Variants in ARMC7 observed in about 807,000 individuals in gnomAD.
ARMC7 encodes armadillo repeat containing 7, also known as armadillo repeat-containing protein 7.
ARMC7 carries 9 observed loss-of-function variants against 14.8 expected under a neutral mutation model. The observed-to-expected ratio is 0.61, with a 90% confidence interval of 0.37 to 1.06. The LOEUF is 1.06. Ranked by LOEUF, ARMC7 falls within the 50% of genes least tolerant of loss-of-function variation. The probability of loss-of-function intolerance (pLI) is 0.01; values close to 1 mark genes in which losing one functional copy is unlikely to be tolerated. For missense variants in ARMC7, 262 were observed against 267.1 expected, an observed-to-expected ratio of 0.98 and a Z score of 0.13; for synonymous variants, 125 against 123.4, an observed-to-expected ratio of 1.01 and a Z score of -0.09.
intron 2 of ARMC7, among the ~76,000 whole-genome samples, chr17:75,124,440 G>A (rs1393870899): frequency 6.6e-6 from 1 of 152,222 alleles, no homozygotes; most frequent in Non-Finnish European, 1.5e-5. Context: ...GCACCTGGGT[G>A]TGGTGATGAC....
At chr17:75,118,330 G>GC (rs1433060687) in intron 2 of ARMC7, among the ~76,000 whole-genome samples, 1 of 152,116 alleles carries the variant, frequency 6.6e-6, no homozygotes. Context: ...GGGCCTGCAG[G>GC]CCCCTAGAGA....
intron 2 of ARMC7, among the ~76,000 whole-genome samples, chr17:75,116,394 G>A (rs189748945): frequency 3.3e-4 from 51 of 152,292 alleles, no homozygotes; most frequent in Middle Eastern, 3.4e-3. Flanking sequence ...TTGGGAGGCC[G>A]AAGTGGGCAG....
chr17:75,117,139 C>T (rs1454387213), intron 2 of ARMC7, among the ~76,000 whole-genome samples: 1 of 152,184 alleles, frequency 6.6e-6, no homozygotes, highest in Non-Finnish European at 1.5e-5. Context: ...TGCAATGGTG[C>T]AATCTCGTCT....
chr17:75,130,188 C>T lies in ARMC7; in HGVS notation c.*1150C>T. 5.8e-6 allele frequency: 2 copies of T among 347,464 alleles called. No homozygotes were observed. The highest frequency in any genetic ancestry group is 1.1e-5 in the Non-Finnish European group (2 of 186,234). The allele number at this position is 347,464 out of a possible 1,614,324, so 21.5% of individuals were successfully genotyped here. On this transcript the variant is annotated 3_prime_UTR_variant, in exon 3 of 3. Transcript: ENST00000245543. ...GGCTCATCAGCACCCGCTCAGGGAG[C>T]CTGTCCCTTTATGTTCCCAAATAAA... is the stretch of plus-strand genomic sequence containing the variant.
At chr17:75,117,004 A>G (rs1023086146) in intron 2 of ARMC7, among the ~76,000 whole-genome samples, 1 of 152,150 alleles carries the variant, frequency 6.6e-6, no homozygotes, top group Admixed American at 6.5e-5. Context: ...AAACAAATGG[A>G]TTCGCTCACC....
intron 2 of ARMC7, among the ~76,000 whole-genome samples, chr17:75,128,112 T>C (rs972138538): frequency 6.6e-6 from 1 of 152,170 alleles, no homozygotes. Context: ...TCTAGCTCTG[T>C]TGCCCAGGCT....
In ARMC7 at chr17:75,129,871, G is replaced by A. The variant is rs111988834; in HGVS notation, c.*833G>A. 3,388 of 152,698 alleles carry A rather than the reference G, an allele frequency of 0.022. 64 individuals are homozygous for A. The highest frequency in any genetic ancestry group is 0.038 in the Non-Finnish European group (2,574 of 68,374). 9.5% of individuals were successfully genotyped at this position (152,698 alleles called of 1,614,324 possible). On this transcript the variant is annotated 3_prime_UTR_variant, in exon 3 of 3. Transcript: ENST00000245543. The stretch of plus-strand genomic sequence containing the variant: ...TGATGGGGAGCCCTACCCCAGAAGT[G>A]TATCCCACGAGGGCATCAGGGACGC...
At chr17:75,120,540 C>T (rs1040996962) in intron 2 of ARMC7, among the ~76,000 whole-genome samples, 5 of 151,974 alleles carry the variant, frequency 3.3e-5, no homozygotes, top group Non-Finnish European at 7.4e-5. Flanking sequence ...GGTGGCTGGG[C>T]ACGGTGGCTC....
chr17:75,115,247 G>A (rs1201086640), intron 2 of ARMC7, among the ~76,000 whole-genome samples: 3 of 152,110 alleles, frequency 2.0e-5, no homozygotes, highest in South Asian at 2.1e-4. Flanking sequence ...GCTGTGGCTC[G>A]CAGAACCAAA....
chr17:75,125,254 C>T (rs1436267065), intron 2 of ARMC7, among the ~76,000 whole-genome samples: 2 of 152,074 alleles, frequency 1.3e-5, no homozygotes, highest in Admixed American at 1.3e-4. Context: ...TGAACCCTTT[C>T]CCCCCCGGGT....
intron 2 of ARMC7, among the ~76,000 whole-genome samples, chr17:75,115,856 G>A (rs2073969258): frequency 6.6e-6 from 1 of 152,166 alleles, no homozygotes; most frequent in Non-Finnish European, 1.5e-5. Context: ...TCAGTTGAGA[G>A]AATTAAATGA....
At chr17:75,119,626 A>T (rs1217252723) in intron 2 of ARMC7, among the ~76,000 whole-genome samples, 12 of 142,372 alleles carry the variant, frequency 8.4e-5, no homozygotes, top group Non-Finnish European at 1.5e-4. Flanking sequence ...TTTTTTTTGT[A>T]TTTTTTTTTT....
Position 75,128,607 on chromosome 17 carries a change from G to T in ARMC7, c.236-70G>T, listed in dbSNP as rs576759205. On this transcript the variant is annotated intron_variant, in intron 2 of 2. Transcript: ENST00000245543. ...TCAACAGCCTGGGCCCCTACCTGGGGCTCACGGGCAGGGGAGGTGGGAGGA... is the reference window on the plus strand; with the variant it reads ...TCAACAGCCTGGGCCCCTACCTGGGTCTCACGGGCAGGGGAGGTGGGAGGA... 9 of 1,545,706 alleles carry T rather than the reference G, an allele frequency of 5.8e-6. No individual in the cohort carries two copies. The African/African-American group carries it at 1.1e-4, about 19-fold the overall frequency.
intron 2 of ARMC7, among the ~76,000 whole-genome samples, chr17:75,118,055 G>A (rs2073985586): frequency 6.6e-6 from 1 of 150,712 alleles, no homozygotes; most frequent in African/African-American, 2.5e-5. Context: ...CAGGAGGCAG[G>A]CAGAGGTTAC....
chr17:75,114,610 GTGTC>G (rs1369114666), intron 2 of ARMC7: 6 of 395,810 alleles, frequency 1.5e-5, no homozygotes, highest in Non-Finnish European at 2.7e-5. Flanking sequence ...GAGCAGAAGT[GTGTC>G]TGTGCATCTG....
chr17:75,111,282 C>T (rs1336299372), intron 2 of ARMC7, among the ~76,000 whole-genome samples: 2 of 151,520 alleles, frequency 1.3e-5, no homozygotes, highest in Non-Finnish European at 2.9e-5. Flanking sequence ...CCATCTCTAA[C>T]TAAAAATACA....
chr17:75,122,760 G>A (rs1248934273), intron 2 of ARMC7, among the ~76,000 whole-genome samples: 3 of 152,116 alleles, frequency 2.0e-5, no homozygotes, highest in Admixed American at 1.3e-4. Flanking sequence ...AATGAGACAA[G>A]GCAGAGTCCC....
intron 2 of ARMC7, among the ~76,000 whole-genome samples, chr17:75,123,568 C>G (rs1352061700): frequency 6.6e-6 from 1 of 151,788 alleles, no homozygotes; most frequent in African/African-American, 2.4e-5. Context: ...TTAGCCAGGA[C>G]GGTCTTGATC....
intron 2 of ARMC7, among the ~76,000 whole-genome samples, chr17:75,118,252 C>T (rs1023350740): frequency 8.8e-4 from 134 of 152,256 alleles, no homozygotes; most frequent in African/African-American, 3.2e-3. Flanking sequence ...TCACTTGCTT[C>T]TCAGGGCTAG....
Sources: allele counts gnomAD v4.1 joint callset (sites outside exome capture counted in the v4.1 genomes callset), GRCh38; gene constraint gnomAD v4.1.1; transcripts MANE v1.5; gene names NCBI Gene and HGNC (gene_info 2026-07-23, HGNC 2026-07-21).